The following DCAKD variants were observed in gnomAD, a reference collection of about 807,000 sequenced individuals.
DCAKD encodes the protein dephospho-CoA kinase domain-containing protein.
In DCAKD, 15 loss-of-function variants were observed where a neutral mutation model predicts 18.7. The observed-to-expected ratio is 0.80, with a 90% CI of 0.54 to 1.24. DCAKD has a LOEUF of 1.24. Among genes scored for constraint, DCAKD ranks in the 50% most tolerant of loss-of-function variants. The probability of loss-of-function intolerance (pLI) is 0.00; values close to 1 mark genes in which losing one functional copy is unlikely to be tolerated. For missense variants in DCAKD, 301 were observed against 322.0 expected, an observed-to-expected ratio of 0.93 and a Z score of 0.50; for synonymous variants, 130 against 133.0, an observed-to-expected ratio of 0.98 and a Z score of 0.16.
intron 1 of DCAKD, among the ~76,000 whole-genome samples, chr17:45,047,952 A>T (rs1007164564): frequency 6.6e-6 from 1 of 152,164 alleles, no homozygotes; most frequent in African/African-American, 2.4e-5. Context: ...TGTTTTTATC[A>T]ATTGTGTATT....
chr17:45,034,809 C>A lies in DCAKD; in HGVS notation c.77G>T (p.Cys26Phe). 11 of 1,614,234 alleles carry A rather than the reference C, an allele frequency of 6.8e-6. No homozygotes were observed. Among genetic ancestry groups the A allele is most frequent in the Non-Finnish European group, 9.3e-6 (11 of 1,180,044 alleles). The change falls in exon 2 of 5, where the codon TGT (cysteine) becomes TTT (phenylalanine). Residue 26 changes from cysteine to phenylalanine, a missense_variant. By Grantham distance (205) the Cys-to-Phe change is radical. Coordinates refer to ENST00000651974, the MANE Select transcript of DCAKD (RefSeq NM_001288655.2). Reference protein sequence around the residue: ...SVIQVFQQLGCAVIDVDVMAR... With the variant: ...SVIQVFQQLGFAVIDVDVMAR... ...CATCACGTCCACGTCAATCACCGCA[C>A]AGCCCAGCTGCTGGAACACCTGGAT...
chr17:45,058,131 G>A (rs1312774898), intron 1 of DCAKD, among the ~76,000 whole-genome samples: 2 of 150,962 alleles, frequency 1.3e-5, no homozygotes, highest in South Asian at 2.1e-4. Flanking sequence ...CCTGGCCAAC[G>A]TGGTGAAACC....
chr17:45,034,630 A>T, intron 2 of DCAKD, 144 bp downstream of exon 2: 1 of 978,322 alleles, frequency 1.0e-6, no homozygotes, highest in Non-Finnish European at 1.5e-6. Context: ...AGAGAAGGCA[A>T]GCACGGGGCA....
intron 1 of DCAKD, chr17:45,035,262 C>T (rs1231227110): frequency 5.1e-6 from 1 of 197,990 alleles, no homozygotes; most frequent in African/African-American, 2.4e-5. Context: ...GGGTGGATCA[C>T]CTGAGGTCAG....
intron 1 of DCAKD, among the ~76,000 whole-genome samples, chr17:45,049,391 T>A (rs780300002): frequency 2.0e-5 from 3 of 151,854 alleles, no homozygotes; most frequent in Non-Finnish European, 4.4e-5. Flanking sequence ...TGACTGCCAC[T>A]GCACTCCAGC....
intron 1 of DCAKD, among the ~76,000 whole-genome samples, chr17:45,037,632 T>A (rs1417030763): frequency 1.3e-5 from 2 of 152,086 alleles, no homozygotes; most frequent in East Asian, 1.9e-4. Flanking sequence ...CTAATTTTTG[T>A]ATTTTTAGTA....
At chr17:45,025,753 T>C (rs1364184814) in intron 4 of DCAKD, among the ~76,000 whole-genome samples, 3 of 146,280 alleles carry the variant, frequency 2.1e-5, no homozygotes, top group East Asian at 2.0e-4. Flanking sequence ...TCTTTTTTTT[T>C]TTTTTTTTTT....
At position 45,058,242 on chromosome 17, in the gene DCAKD, G is replaced by A. The variant is rs185761008; in HGVS notation, c.-118+2646C>T. On this transcript the variant is annotated intron_variant, in intron 1 of 4. Transcript: ENST00000310604. ...AGGTGGCAGGATCACTTGAATCCAG[G>A]AGGCAGAGGTTGCAGCAAGCCGAGA... Among the ~76,000 whole-genome samples the A allele has an allele frequency of 7.7e-3, 1,171 of 152,068 alleles. 12 individuals are homozygous for A. The highest frequency in any genetic ancestry group is 0.01 in the Non-Finnish European group (711 of 67,982).
chr17:45,039,987 G>A (rs921827769), intron 1 of DCAKD, among the ~76,000 whole-genome samples: 5 of 152,030 alleles, frequency 3.3e-5, no homozygotes, highest in African/African-American at 4.8e-5. Flanking sequence ...CACCTATTCG[G>A]AAGGCTGAGG....
chr17:45,034,537 G>T (rs778195177), intron 2 of DCAKD, 147 bp from the exon 3 acceptor site: 4 of 989,916 alleles, frequency 4.0e-6, no homozygotes, highest in Non-Finnish European at 4.5e-6. Flanking sequence ...AAGCAGTGAA[G>T]GAAAAGAGCA....
At chr17:45,026,755 G>A (rs2053064594) in intron 4 of DCAKD, 1 of 985,338 alleles carries the variant, frequency 1.0e-6, no homozygotes, top group Non-Finnish European at 1.2e-6. Context: ...GCCATTGTGG[G>A]GCCAATACCC....
At chr17:45,048,511 C>G (rs1373203320) in intron 1 of DCAKD, among the ~76,000 whole-genome samples, 2 of 152,146 alleles carry the variant, frequency 1.3e-5, no homozygotes, top group Non-Finnish European at 2.9e-5. Context: ...GTGGTACATG[C>G]CCATAGTCCC....
At chr17:45,042,177 G>A (rs2053454145) in intron 1 of DCAKD, among the ~76,000 whole-genome samples, 1 of 152,004 alleles carries the variant, frequency 6.6e-6, no homozygotes, top group African/African-American at 2.4e-5. Flanking sequence ...ATGGGAGCAA[G>A]TCACATCCCC....
rs182914265 is a variant in DCAKD at position 45,027,003 on chromosome 17, T to C, written c.405-2279A>G. ...GTCTAAGACTTGGTACAATTTGTTG[T>C]AATAGGATTTTTACCCACTTATTCC... On this transcript the variant is annotated intron_variant, in intron 4 of 4. Transcript: ENST00000651974. Among the ~76,000 whole-genome samples the C allele has an allele frequency of 1.3e-3, 203 of 152,336 alleles. 1 individual carries two copies. The highest frequency in any genetic ancestry group is 1.1e-3 in the Non-Finnish European group (73 of 68,034).
chr17:45,057,718 A>C (rs1217962652), intron 1 of DCAKD, among the ~76,000 whole-genome samples: 1 of 148,788 alleles, frequency 6.7e-6, no homozygotes, highest in Non-Finnish European at 1.5e-5. Context: ...AAAAAAAAAA[A>C]CAGTAATTCA....
chr17:45,054,992 G>A (rs1315789692), upstream of DCAKD, among the ~76,000 whole-genome samples: 1 of 152,198 alleles, frequency 6.6e-6, no homozygotes, highest in Non-Finnish European at 1.5e-5. Flanking sequence ...GCCAAAAGCA[G>A]CTGCACCTCT....
intron 1 of DCAKD, among the ~76,000 whole-genome samples, chr17:45,044,953 G>A (rs1363486896): frequency 6.6e-6 from 1 of 152,228 alleles, no homozygotes; most frequent in African/African-American, 2.4e-5. Context: ...TATGTCGACA[G>A]CAAGAGGGTC....
rs557062938 is a variant in DCAKD, at chr17:45,051,494, GCCCGCCC to G, written c.-255_-249del. The G allele has an allele frequency of 5.9e-5, 9 of 151,972 alleles. No homozygotes were observed. The East Asian group carries it at 1.6e-3, about 26-fold the overall frequency. The allele number at this position is 151,972 out of a possible 1,614,324, so 9.4% of individuals were successfully genotyped here. A position where few individuals can be genotyped will look rare whatever the true frequency, so the allele number is the denominator to read the frequency against. On this transcript the variant is annotated 5_prime_UTR_variant, in exon 1 of 5. Coordinates refer to ENST00000651974, the MANE Select transcript of DCAKD (RefSeq NM_001288655.2). ...GCCCCGCGTAGCAGCCGCGGCCAGG[GCCCGCCC>G]CCTCCCCGGCGCCCGGCTGGCTCTC...
rs139791993 is a variant in DCAKD, at chr17:45,024,675, G to A, written c.454C>T (p.Arg152Cys). The A allele has an allele frequency of 2.4e-4, 384 of 1,603,714 alleles. No homozygotes were observed. Among genetic ancestry groups the A allele is most frequent in the Non-Finnish European group, 3.2e-4 (372 of 1,172,172 alleles). The change falls in exon 5 of 5, where the codon CGC becomes TGC. Residue 152 changes from arginine to cysteine, a missense_variant. By Grantham distance (180) the Arg-to-Cys change is radical. Transcript: ENST00000651974. The part of the protein sequence containing the change: ...ARLMRRNSLN[R>C]KDAEARINAQ... ...TTGATGCGGGCCTCTGCGTCCTTGC[G>A]GTTCAGGCTGTTCCGCCGCATCAGC... is the stretch of plus-strand genomic sequence containing the variant.
Sources: allele counts gnomAD v4.1 joint callset (sites outside exome capture counted in the v4.1 genomes callset), GRCh38; gene constraint gnomAD v4.1.1; transcripts MANE v1.5; gene names NCBI Gene and HGNC (gene_info 2026-07-23, HGNC 2026-07-21).